The following DPH1 variants were observed in gnomAD, a reference collection of about 807,000 sequenced individuals.
DPH1 encodes diphthamide biosynthesis 1.
Under a neutral mutation model 55.3 loss-of-function variants are expected in DPH1, and 59 were observed. The observed-to-expected ratio is 1.07, with a 90% CI of 0.87 to 1.33. The LOEUF is 1.33. Among genes scored for constraint, DPH1 ranks in the 40% most tolerant of loss-of-function variants. DPH1 has a pLI of 0.00. For synonymous variants in DPH1, 238 were observed against 235.5 expected, an observed-to-expected ratio of 1.01 and a Z score of -0.10; for missense variants, 628 against 584.8, an observed-to-expected ratio of 1.07 and a Z score of -0.76.
At chr17:2,032,282 G>T (rs1399323501) in intron 1 of DPH1, among the ~76,000 whole-genome samples, 1 of 152,134 alleles carries the variant, frequency 6.6e-6, no homozygotes, top group Admixed American at 6.6e-5. Context: ...CCGCAGGGCT[G>T]TTCTCTATCA....
In DPH1 at chr17:2,040,538, T is replaced by G. The variant is rs2067501373; in HGVS notation, c.940T>G (p.Ser314Ala). The change falls in exon 9 of 13, where the codon TCC becomes GCC. Residue 314 changes from serine to alanine, a missense_variant. By Grantham distance (99) the Ser-to-Ala change is moderately conservative (BLOSUM62 1). Transcript: ENST00000263083. ...ATCTCGACTCCGAGCCTTGGGCCTT[T>G]CCTTTGTGAGGCTGCTGCTCTCTGA... is the stretch of plus-strand genomic sequence containing the variant. The part of the protein sequence containing the change: ...LESRLRALGL[S>A]FVRLLLSEIF... The G allele has an allele frequency of 2.5e-6, 4 of 1,614,086 alleles. No homozygotes were observed. The highest frequency in any genetic ancestry group is 2.2e-5 in the East Asian group (1 of 44,896).
At position 2,041,852 on chromosome 17, in the gene DPH1, C is replaced by T. The variant is rs779136511; in HGVS notation, c.1312C>T (p.Pro438Ser). 8 of 1,594,702 alleles carry T rather than the reference C, an allele frequency of 5.0e-6. 1 individual carries two copies. In the South Asian group the frequency reaches 6.8e-5, roughly 13 times the overall value. ...CRDEKVAPLA[P>S] ...GGACGAGAAGGTGGCGCCGCTGGCT[C>T]CTTGACGCGCTCCCGGGCCTCAGGT... Residue 438 changes from proline to serine, a missense_variant, in exon 12 of 13, where the codon CCT (proline) becomes TCT (serine). Coordinates refer to ENST00000263083, the MANE Select transcript of DPH1 (RefSeq NM_001383.6).
At position 2,041,537 on chromosome 17, in the gene DPH1, C is replaced by A; in HGVS notation, c.1143C>A (p.Tyr381Ter). 8.1e-6 allele frequency: 13 copies of A among 1,612,936 alleles called. No individual in the cohort carries two copies. Among genetic ancestry groups the A allele is most frequent in the Non-Finnish European group, 1.0e-5 (12 of 1,179,764 alleles). The stretch of plus-strand genomic sequence containing the variant: ...AGCAGCCCTACCCGATGGACTTCTA[C>A]GCTGGCAGCTCCTTGGGGCCCTGGA... ...SWQQPYPMDF[Y>*]AGSSLGPWTV... is the part of the protein sequence containing the mutation. Residue 381 changes from tyrosine (Y) to a stop codon, truncating the protein, a stop_gained, in exon 11 of 13, where the codon TAC becomes TAA. Transcript: ENST00000263083. LOFTEE classifies it high-confidence loss of function.
At chr17:2,041,384 A>G (rs1464647507) in intron 10 of DPH1, 97 bp from the exon 11 acceptor site, 30 of 1,516,416 alleles carry the variant, frequency 2.0e-5, no homozygotes, top group Non-Finnish European at 2.7e-5. Context: ...GGCAGGGGAC[A>G]GTGTGCCCTT....
chr17:2,033,669 A>C lies in DPH1; in HGVS notation c.214+12A>C. 1.2e-6 allele frequency: 2 copies of C among 1,613,838 alleles called. No homozygotes were observed. Among genetic ancestry groups the C allele is most frequent in the Non-Finnish European group, 1.7e-6 (2 of 1,179,762 alleles). The stretch of plus-strand genomic sequence containing the variant: ...CCAGGCCAAGAAGGGTGAGCCTGTG[A>C]TCATTGAGCTGGGGTTGGGGTGGAG... On this transcript the variant is annotated intron_variant, in intron 2 of 12. Coordinates refer to ENST00000263083, the MANE Select transcript of DPH1 (RefSeq NM_001383.6).
intron 9 of DPH1, 99 bp downstream of exon 9, chr17:2,040,704 G>A (rs976747923): frequency 3.6e-6 from 5 of 1,375,826 alleles, no homozygotes; most frequent in Non-Finnish European, 5.1e-6. Context: ...TGCTTCCATG[G>A]TCATGGAATT....
chr17:2,041,299 T>C, intron 10 of DPH1, 118 bp downstream of exon 10: 3 of 1,471,526 alleles, frequency 2.0e-6, no homozygotes, highest in South Asian at 1.2e-5. Flanking sequence ...GGAGTCTGTC[T>C]CGATTTCTCC....
rs2067501681 is a variant in DPH1, at chr17:2,040,549, G to A, written c.951G>A (p.Arg317=). The A allele has an allele frequency of 6.2e-7, 1 of 1,614,206 alleles. No individual in the cohort carries two copies. The highest frequency in any genetic ancestry group is 1.1e-5 in the South Asian group (1 of 91,092). The change falls in exon 9 of 13, where the codon AGG becomes AGA. Residue 317 remains arginine (R), a synonymous_variant. Coordinates refer to ENST00000263083, the MANE Select transcript of DPH1 (RefSeq NM_001383.6). ...GAGCCTTGGGCCTTTCCTTTGTGAG[G>A]CTGCTGCTCTCTGAGATCTTCCCCA... is the stretch of plus-strand genomic sequence containing the variant. ...RLRALGLSFV[R]LLLSEIFPSK...
intron 6 of DPH1, among the ~76,000 whole-genome samples, chr17:2,038,088 T>C (rs763238762): frequency 8.1e-5 from 12 of 148,432 alleles, no homozygotes; most frequent in Non-Finnish European, 1.6e-4. Context: ...GGCAGGAGAA[T>C]TGCATATGTC....
chr17:2,036,303 G>GTT lies in DPH1; in HGVS notation c.400+214_400+215dup, dbSNP rs998620334. On this transcript the variant is annotated intron_variant, in intron 4 of 12. Transcript: ENST00000263083. The surrounding 1 kb of genome is among the most constrained non-coding windows in gnomAD (Gnocchi z 4.8). ...ACGGTGCTCTGTCCCAGATGCAGGT[G>GTT]TTTGAAAGGCTGTTGGTTGTAGAGC... The GTT allele has an allele frequency of 9.2e-6, 10 of 1,091,920 alleles. No homozygotes were observed. The highest frequency in any genetic ancestry group is 1.3e-5 in the Non-Finnish European group (10 of 785,310). 67.6% of individuals were successfully genotyped at this position (1,091,920 alleles called of 1,614,324 possible). A position where few individuals can be genotyped will look rare whatever the true frequency, so the allele number is the denominator to read the frequency against.
chr17:2,032,872 C>G lies in DPH1; in HGVS notation c.62-633C>G, dbSNP rs570819104. Among the ~76,000 whole-genome samples the G allele has an allele frequency of 6.6e-5, 10 of 152,320 alleles. No individual in the cohort carries two copies. The East Asian group carries it at 1.7e-3, about 26-fold the overall frequency. ...CATTCTCCTGCCTTAGCTGGGACTA[C>G]AGGTGCCTGCCACCAGGCCCGGCTA... On this transcript the variant is annotated intron_variant, in intron 1 of 12. Coordinates refer to ENST00000263083, the MANE Select transcript of DPH1 (RefSeq NM_001383.6).
Position 2,042,977 on chromosome 17 carries a change from A to G in DPH1, c.*391A>G. The G allele has an allele frequency of 7.4e-6, 12 of 1,614,088 alleles. No homozygotes were observed. The highest frequency in any genetic ancestry group is 9.3e-6 in the Non-Finnish European group (11 of 1,180,032). ...ACTGACAAAGTCATCCCCTCTCAGG[A>G]GAGTGTGCAACTGGCCAGCCAATTT... On this transcript the variant is annotated 3_prime_UTR_variant, in exon 13 of 13. Coordinates refer to ENST00000263083, the MANE Select transcript of DPH1 (RefSeq NM_001383.6).
chr17:2,036,638 C>T lies in DPH1; in HGVS notation c.510C>T (p.Ala170=). Residue 170 remains alanine, a synonymous_variant, in exon 5 of 13, where the codon GCC becomes GCT. Transcript: ENST00000263083. The surrounding 1 kb of genome is among the most constrained non-coding windows in gnomAD (Gnocchi z 4.8). The stretch of plus-strand genomic sequence containing the variant: ...CTCTCCGCCTCACCTTTCCCCCAGC[C>T]ACTGCCCTTGCCCTGGTCAGCACCA... ...LDSLRLTFPP[A]TALALVSTIQ... The T allele has an allele frequency of 1.2e-6, 2 of 1,614,176 alleles. No individual in the cohort carries two copies. The highest frequency in any genetic ancestry group is 1.7e-6 in the Non-Finnish European group (2 of 1,180,022).
At chr17:2,033,916 A>T in intron 3 of DPH1, 74 bp downstream of exon 3, 1 of 1,571,112 alleles carries the variant, frequency 6.4e-7, no homozygotes. Flanking sequence ...CCGGGTGGGT[A>T]AAGCCCTGGT....
At chr17:2,035,768 TC>T (rs1309505676) in intron 3 of DPH1, among the ~76,000 whole-genome samples, 1 of 152,046 alleles carries the variant, frequency 6.6e-6, no homozygotes. Context: ...CAGCAACAGT[TC>T]CAGGAGCGGC....
Position 2,040,299 on chromosome 17 carries a change from C to T in DPH1, c.831C>T (p.Ala277=), listed in dbSNP as rs2067495649. ...RMQAARQEAI[A]TARSAKSWGL... is the part of the protein sequence containing the mutation. ...AGGCTGCTCGCCAAGAAGCCATAGC[C>T]ACTGCCCGCTCAGCTAAGTCCTGGG... Residue 277 remains alanine, a synonymous_variant, in exon 8 of 13, where the codon GCC becomes GCT. Coordinates refer to ENST00000263083, the MANE Select transcript of DPH1 (RefSeq NM_001383.6). 1 of 1,614,090 alleles carries T rather than the reference C, an allele frequency of 6.2e-7. No homozygotes were observed. The highest frequency in any genetic ancestry group is 1.6e-4 in the Middle Eastern group (1 of 6,062).
rs117917654 is a variant in DPH1, at chr17:2,041,314, G to A, written c.1086+133G>A. ...GGAGTCTGTCTCGATTTCTCCAGCG[G>A]AGTCACTTCCTAGCTGTGTAGCCTT... On this transcript the variant is annotated intron_variant, in intron 10 of 12. Transcript: ENST00000263083. The A allele has an allele frequency of 2.8e-3, 4,064 of 1,454,812 alleles. 109 individuals are homozygous for A. In the East Asian group the frequency reaches 0.068, roughly 24 times the overall value. The allele number at this position is 1,454,812 out of a possible 1,614,324, so 90.1% of individuals were successfully genotyped here.
At chr17:2,042,489 T>G in intron 12 of DPH1, 116 bp from the exon 13 acceptor site, 1 of 1,408,744 alleles carries the variant, frequency 7.1e-7, no homozygotes, top group Non-Finnish European at 9.3e-7. Flanking sequence ...CCCCAGACTT[T>G]TGCCTCGATT....
chr17:2,039,012 T>A (rs1208436548), intron 6 of DPH1: 1 of 151,630 alleles, frequency 6.6e-6, no homozygotes, highest in African/African-American at 2.4e-5. Flanking sequence ...TGAAGGCTTG[T>A]CCCAGTTTAC....
Sources: gnomAD v4.1 joint callset for allele counts (sites outside exome capture counted in the v4.1 genomes callset) on GRCh38, gnomAD v4.1.1 for gene constraint, Gnocchi (gnomAD v3.1) non-coding constraint, MANE v1.5 for transcripts, NCBI Gene and HGNC (gene_info 2026-07-23, HGNC 2026-07-21) for gene names.